The following SLC4A10 variants were observed in gnomAD, a reference collection of about 807,000 sequenced individuals.
SLC4A10 encodes the protein solute carrier family 4 member 10, also known as sodium-driven chloride bicarbonate exchanger.
SLC4A10 carries 42 observed loss-of-function variants against 137.7 expected under a neutral mutation model. The observed-to-expected ratio is 0.30, with a 90% CI of 0.24 to 0.39. The LOEUF (loss-of-function observed/expected upper bound fraction) is 0.39. Among genes scored for constraint, SLC4A10 ranks in the 10% least tolerant of loss-of-function variants. The pLI, the probability that SLC4A10 is intolerant of heterozygous loss-of-function variation, is 1.00. For synonymous variants in SLC4A10, 474 were observed against 464.1 expected (o/e 1.02, Z -0.27); for missense variants, 925 against 1,355.0 (o/e 0.68, Z 4.98).
At chr2:161,824,919 G>C (rs538865967) in intron 3 of SLC4A10, among the ~76,000 whole-genome samples, 1 of 152,124 alleles carries the variant, frequency 6.6e-6, no homozygotes, top group South Asian at 2.1e-4. Context: ...TCCTGAGATA[G>C]CAAGACCAAC....
rs113031077 is a variant in SLC4A10, at chr2:161,731,076, C to T, written c.49-39897C>T. ...GCTTGTTTGAACAATCCAACAACGA[C>T]TTCAGTGAAAGAAAAAGTATTGTTT... is the stretch of plus-strand genomic sequence containing the variant. On this transcript the variant is annotated intron_variant, in intron 1 of 26. Coordinates refer to ENST00000446997, the MANE Select transcript of SLC4A10 (RefSeq NM_001178015.2). Among the ~76,000 whole-genome samples the T allele has an allele frequency of 2.4e-3, 365 of 152,162 alleles. 2 individuals carry two copies. Among genetic ancestry groups the T allele is most frequent in the African/African-American group, 8.4e-3 (347 of 41,532 alleles).
At chr2:161,880,933 C>G (rs2061727319) in intron 9 of SLC4A10, among the ~76,000 whole-genome samples, 1 of 151,728 alleles carries the variant, frequency 6.6e-6, no homozygotes, top group Non-Finnish European at 1.5e-5. Context: ...GGTTATATAC[C>G]CTTACTGTGA....
chr2:161,814,456 A>T (rs1006222289), intron 3 of SLC4A10, among the ~76,000 whole-genome samples: 2 of 152,112 alleles, frequency 1.3e-5, no homozygotes, highest in Admixed American at 6.6e-5. Context: ...GAATCATTCT[A>T]TCAAAAGGCA....
At chr2:161,697,309 A>T (rs2042622537) in intron 1 of SLC4A10, among the ~76,000 whole-genome samples, 1 of 151,986 alleles carries the variant, frequency 6.6e-6, no homozygotes, top group South Asian at 2.1e-4. Flanking sequence ...CTGTAGTTTA[A>T]TTGGCTCCCA....
intron 5 of SLC4A10, 31 bp downstream of exon 5, chr2:161,855,161 A>G: frequency 1.9e-6 from 3 of 1,561,186 alleles, no homozygotes; most frequent in Non-Finnish European, 2.6e-6. Context: ...TGTATTTTAT[A>G]GGTACAGCTA....
At chr2:161,689,903 T>C (rs906573482) in intron 1 of SLC4A10, among the ~76,000 whole-genome samples, 1 of 152,190 alleles carries the variant, frequency 6.6e-6, no homozygotes, top group African/African-American at 2.4e-5. Context: ...CTTTTTGACA[T>C]GCTCTGCCCT....
At chr2:161,742,123 A>G (rs1455360463) in intron 1 of SLC4A10, among the ~76,000 whole-genome samples, 3 of 152,166 alleles carry the variant, frequency 2.0e-5, no homozygotes, top group African/African-American at 7.2e-5. Context: ...AATGTTCTCA[A>G]GTTCCATCCA....
intron 1 of SLC4A10, among the ~76,000 whole-genome samples, chr2:161,702,112 T>G (rs370929549): frequency 6.6e-6 from 1 of 151,940 alleles, no homozygotes; most frequent in Admixed American, 6.6e-5. Context: ...CCATGTTTAT[T>G]GCAGCATTTC....
intron 1 of SLC4A10, among the ~76,000 whole-genome samples, chr2:161,698,334 C>T (rs2042760335): frequency 6.6e-6 from 1 of 152,132 alleles, no homozygotes. Flanking sequence ...CCAGAGCTTC[C>T]AACACTATGT....
At chr2:161,724,818 T>G (rs1211037972) in intron 1 of SLC4A10, among the ~76,000 whole-genome samples, 1 of 152,182 alleles carries the variant, frequency 6.6e-6, no homozygotes, top group Non-Finnish European at 1.5e-5. Context: ...TTTTGAAACA[T>G]TCCCACATCA....
intron 1 of SLC4A10, among the ~76,000 whole-genome samples, chr2:161,667,602 A>G (rs538978801): frequency 6.6e-6 from 1 of 151,860 alleles, no homozygotes; most frequent in East Asian, 1.9e-4. Context: ...GTGGATTTTT[A>G]TAACATTGAT....
intron 2 of SLC4A10, among the ~76,000 whole-genome samples, chr2:161,788,533 G>A (rs186791478): frequency 4.1e-4 from 62 of 152,126 alleles, no homozygotes; most frequent in Middle Eastern, 3.4e-3. Flanking sequence ...CCCTCATCCT[G>A]GGCAGGCAGG....
intron 1 of SLC4A10, among the ~76,000 whole-genome samples, chr2:161,664,749 A>C (rs928895856): frequency 1.3e-5 from 2 of 151,060 alleles, no homozygotes; most frequent in Non-Finnish European, 3.0e-5. Flanking sequence ...GAGTTAATAT[A>C]ACATTAGAGA....
chr2:161,785,222 G>C (rs1451581650), intron 2 of SLC4A10, among the ~76,000 whole-genome samples: 1 of 151,610 alleles, frequency 6.6e-6, no homozygotes, highest in Non-Finnish European at 1.5e-5. Flanking sequence ...TAACAAGCAA[G>C]AAAATTAAAT....
At chr2:161,664,849 C>A (rs2105740427) in intron 1 of SLC4A10, among the ~76,000 whole-genome samples, 1 of 151,868 alleles carries the variant, frequency 6.6e-6, no homozygotes, top group Admixed American at 6.6e-5. Flanking sequence ...TATATATACA[C>A]ATGGTTTCCT....
At chr2:161,935,922 T>G (rs1426548529) in intron 15 of SLC4A10, among the ~76,000 whole-genome samples, 2 of 152,130 alleles carry the variant, frequency 1.3e-5, no homozygotes, top group Non-Finnish European at 2.9e-5. Context: ...AGCTGTGGGT[T>G]TATCACATGT....
At chr2:161,938,163 C>A (rs1411079989) in intron 15 of SLC4A10, among the ~76,000 whole-genome samples, 1 of 152,010 alleles carries the variant, frequency 6.6e-6, no homozygotes, top group Non-Finnish European at 1.5e-5. Flanking sequence ...CCTAGCTATT[C>A]GGGAGGCTGA....
At chr2:161,666,779 A>G (rs2039093504) in intron 1 of SLC4A10, among the ~76,000 whole-genome samples, 1 of 151,704 alleles carries the variant, frequency 6.6e-6, no homozygotes, top group South Asian at 2.1e-4. Context: ...TGTATGTTCT[A>G]GTTAATAATA....
At chr2:161,782,187 A>G (rs1427871692) in intron 2 of SLC4A10, among the ~76,000 whole-genome samples, 3 of 151,960 alleles carry the variant, frequency 2.0e-5, no homozygotes, top group Non-Finnish European at 2.9e-5. Context: ...CATACATTAA[A>G]CTTTCTGGGG....
Sources: allele counts gnomAD v4.1 joint callset (sites outside exome capture counted in the v4.1 genomes callset), GRCh38; gene constraint gnomAD v4.1.1; transcripts MANE v1.5; gene names NCBI Gene and HGNC (gene_info 2026-07-23, HGNC 2026-07-21).